Variants in VAC14 observed in about 807,000 individuals in gnomAD.
VAC14 encodes VAC14 component of PIKFYVE complex.
Under a neutral mutation model 85.3 loss-of-function variants are expected in VAC14, and 47 were observed. The observed-to-expected ratio is 0.55, with a 90% CI of 0.44 to 0.70. The LOEUF (loss-of-function observed/expected upper bound fraction) is 0.70. Ranked by LOEUF, VAC14 falls within the 30% of genes least tolerant of loss-of-function variation. VAC14 has a pLI of 0.00. For missense variants in VAC14, 861 were observed against 1,004.3 expected (o/e 0.86, Z 1.93); for synonymous variants, 447 against 430.5 (o/e 1.04, Z -0.47).
intron 14 of VAC14, chr16:70,715,822 G>C (rs1044068365): frequency 6.6e-6 from 1 of 152,260 alleles, no homozygotes; most frequent in African/African-American, 2.4e-5. Flanking sequence ...TAGAGAAGGG[G>C]TGGGGACAGA....
At chr16:70,732,749 C>T (rs1406637718) in intron 13 of VAC14, among the ~76,000 whole-genome samples, 2 of 151,838 alleles carry the variant, frequency 1.3e-5, no homozygotes, top group African/African-American at 2.4e-5. Context: ...TTCAAGCTAT[C>T]CTCTTGTCCC....
At chr16:70,704,125 C>G (rs1193372771) in intron 14 of VAC14, among the ~76,000 whole-genome samples, 1 of 152,230 alleles carries the variant, frequency 6.6e-6, no homozygotes, top group Non-Finnish European at 1.5e-5. Context: ...CCCAAACCCC[C>G]ACCTGGCATC....
At chr16:70,720,893 G>A (rs2054273400) in intron 14 of VAC14, among the ~76,000 whole-genome samples, 1 of 152,192 alleles carries the variant, frequency 6.6e-6, no homozygotes, top group African/African-American at 2.4e-5. Context: ...AGCAGCTTGC[G>A]AAAAAGGAAA....
intron 14 of VAC14, among the ~76,000 whole-genome samples, chr16:70,713,588 C>T (rs954378100): frequency 2.0e-5 from 3 of 152,218 alleles, no homozygotes; most frequent in Non-Finnish European, 2.9e-5. Context: ...CTTAGGGAGG[C>T]ACCTTCCCCA....
chr16:70,767,093 A>G (rs1445475673), intron 10 of VAC14, among the ~76,000 whole-genome samples: 1 of 152,222 alleles, frequency 6.6e-6, no homozygotes, highest in African/African-American at 2.4e-5. Context: ...GGTGTCTGCA[A>G]AATTCCATTT....
chr16:70,800,060 C>T (rs374494064), intron 1 of VAC14, among the ~76,000 whole-genome samples: 57 of 152,236 alleles, frequency 3.7e-4, no homozygotes, highest in South Asian at 3.3e-3. Flanking sequence ...TCTGAAATCA[C>T]TCACTCACTT....
Position 70,744,565 on chromosome 16 carries a change from G to A in VAC14, c.1386C>T (p.Asp462=), listed in dbSNP as rs2030685227. 1.2e-6 allele frequency: 2 copies of A among 1,603,170 alleles called. No individual in the cohort carries two copies. The highest frequency in any genetic ancestry group is 2.2e-5 in the East Asian group (1 of 44,772). Residue 462 remains aspartate, a synonymous_variant, in exon 13 of 19, where the codon GAC becomes GAT. Coordinates refer to ENST00000261776, the MANE Select transcript of VAC14 (RefSeq NM_018052.5). ...SDESDEVILK[D]LEVLAEIASS... ...AAGCGATTTCTGCCAGCACCTCCAG[G>A]TCCTTCAGGATCACCTGGGGAGAGA...
At position 70,762,976 on chromosome 16, in the gene VAC14, G is replaced by C. The variant is rs1456850692; in HGVS notation, c.1210C>G (p.Leu404Val). The change falls in exon 11 of 19, where the codon CTA (leucine) becomes GTA (valine). Residue 404 changes from leucine to valine, a missense_variant. By Grantham distance (32) the Leu-to-Val change is conservative (BLOSUM62 1). This residue lies in a region of VAC14 where 629 missense variants were observed against 703.1 expected (regional missense o/e 0.89). Transcript: ENST00000261776. This position sits in a 1 kb window ranked among gnomAD's most constrained non-coding sequence, Gnocchi z 4.1. Reference sequence around the variant, plus strand: ...GCCGTGTCACTGAGGTGGCAGTTTAGGACCTGCACGATCCCGTCGAGGTGA... The same window carrying C: ...GCCGTGTCACTGAGGTGGCAGTTTACGACCTGCACGATCCCGTCGAGGTGA... ...TLHLDGIVQV[L>V]NCHLSDTAIG... 4 of 1,614,218 alleles carry C rather than the reference G, an allele frequency of 2.5e-6. No individual in the cohort carries two copies. In the East Asian group the frequency reaches 8.9e-5, roughly 36 times the overall value.
intron 12 of VAC14, among the ~76,000 whole-genome samples, chr16:70,761,853 A>G (rs2032414312): frequency 6.6e-6 from 1 of 152,238 alleles, no homozygotes; most frequent in Admixed American, 6.5e-5. Flanking sequence ...CTGAGCGTGC[A>G]GCAGGGGCCC....
At chr16:70,717,531 G>A (rs1360247683) in intron 14 of VAC14, among the ~76,000 whole-genome samples, 2 of 152,246 alleles carry the variant, frequency 1.3e-5, no homozygotes, top group Non-Finnish European at 2.9e-5. Context: ...TCCTGTAAGG[G>A]TGAGAATTGG....
At chr16:70,710,793 C>A (rs2054017367) in intron 14 of VAC14, among the ~76,000 whole-genome samples, 1 of 152,240 alleles carries the variant, frequency 6.6e-6, no homozygotes, top group Non-Finnish European at 1.5e-5. Context: ...GTTCATATGG[C>A]CATAGCCCCG....
At position 70,695,454 on chromosome 16, in the gene VAC14, A is replaced by G. The variant is rs1465528941; in HGVS notation, c.2035+90T>C. On this transcript the variant is annotated intron_variant, in intron 17 of 18. Transcript: ENST00000261776. ...ACTGCTCTTCCTCCCTCCCCAGCCA[A>G]AAGAGACCAACTGGAGCTTGACTTC... 4.3e-6 allele frequency: 6 copies of G among 1,397,568 alleles called. No individual in the cohort carries two copies. In the Middle Eastern group the frequency reaches 5.4e-4, roughly 126 times the overall value. The allele number at this position is 1,397,568 out of a possible 1,614,324, so 86.6% of individuals were successfully genotyped here. A position where few individuals can be genotyped will look rare whatever the true frequency, so the allele number is the denominator to read the frequency against.
chr16:70,761,096 A>G (rs950681681), intron 12 of VAC14: 17 of 431,594 alleles, frequency 3.9e-5, no homozygotes, highest in African/African-American at 3.2e-4. Context: ...TTCTGGTAAT[A>G]CAGAAAACCT....
rs145005393 is a variant in VAC14, at chr16:70,729,579, C to T, written c.1661+1916G>A. 3.0e-3 allele frequency among the ~76,000 whole-genome samples: 454 copies of T among 152,202 alleles called. 4 individuals carry two copies. Among genetic ancestry groups the T allele is most frequent in the Middle Eastern group, 0.017 (5 of 294 alleles). ...CAGACCATCCCCGGGTCTCACCTCC[C>T]TCACTGCCTCCTGCCATCTCCCTGC... On this transcript the variant is annotated intron_variant, in intron 14 of 18. Transcript: ENST00000261776.
chr16:70,798,259 C>A (rs1210239422), intron 1 of VAC14, among the ~76,000 whole-genome samples: 1 of 152,124 alleles, frequency 6.6e-6, no homozygotes, highest in East Asian at 1.9e-4. Flanking sequence ...AAGAACAGGA[C>A]TAAGCACTTT....
At chr16:70,739,170 A>G (rs1321437015) in intron 13 of VAC14, among the ~76,000 whole-genome samples, 2 of 152,212 alleles carry the variant, frequency 1.3e-5, no homozygotes, top group Non-Finnish European at 2.9e-5. Flanking sequence ...TAGAGAGGGA[A>G]GAAGTAGCAG....
At position 70,800,908 on chromosome 16, in the gene VAC14, G is replaced by A; in HGVS notation, c.-8C>T. On this transcript the variant is annotated 5_prime_UTR_variant, in exon 1 of 19. Coordinates refer to ENST00000261776, the MANE Select transcript of VAC14 (RefSeq NM_018052.5). ...ATCCTTCTCGGGGTTCATGGTGGCA[G>A]CTGGGGGAACCTCGCGACTCCTTAG... 22 of 1,568,644 alleles carry A rather than the reference G, an allele frequency of 1.4e-5. No individual in the cohort carries two copies. Among genetic ancestry groups the A allele is most frequent in the Non-Finnish European group, 1.9e-5 (22 of 1,156,740 alleles).
chr16:70,703,376 T>G (rs1267393578), intron 14 of VAC14, among the ~76,000 whole-genome samples: 1 of 150,688 alleles, frequency 6.6e-6, no homozygotes, highest in Non-Finnish European at 1.5e-5. Context: ...GGGGACCTCT[T>G]GTACCACCCT....
At chr16:70,727,174 T>C (rs2054453201) in intron 14 of VAC14, among the ~76,000 whole-genome samples, 1 of 152,196 alleles carries the variant, frequency 6.6e-6, no homozygotes, top group African/African-American at 2.4e-5. Context: ...GAAGAATCTC[T>C]TTCCTTTCTT....
Sources: gnomAD v4.1 joint callset for allele counts (sites outside exome capture counted in the v4.1 genomes callset) on GRCh38, gnomAD v4.1.1 for gene constraint, gnomAD v4.1.1 regional missense constraint, Gnocchi (gnomAD v3.1) non-coding constraint, MANE v1.5 for transcripts, NCBI Gene and HGNC (gene_info 2026-07-23, HGNC 2026-07-21) for gene names.